Variants in ANK2 observed in about 807,000 individuals in gnomAD.
ANK2 encodes the protein ankyrin-2.
A neutral mutation model predicts 360.5 loss-of-function variants in ANK2; 83 were observed. The ratio of observed to expected loss-of-function variants is 0.23; its 90% CI spans 0.19 to 0.28. ANK2 has a LOEUF of 0.28. Among genes scored for constraint, ANK2 ranks in the 10% least tolerant of loss-of-function variants. The pLI is 1.00. For synonymous variants in ANK2, 1,740 were observed against 1,759.5 expected, an observed-to-expected ratio of 0.99 and a Z score of 0.28; for missense variants, 4,201 against 4,795.7, an observed-to-expected ratio of 0.88 and a Z score of 3.66.
intron 1 of ANK2, among the ~76,000 whole-genome samples, chr4:112,858,606 A>T (rs1386452200): frequency 6.6e-6 from 1 of 152,224 alleles, no homozygotes; most frequent in African/African-American, 2.4e-5. Flanking sequence ...TCGCATTCTT[A>T]GTTCATGCAT....
chr4:113,197,053 C>CA (rs1176600593), intron 3 of ANK2, among the ~76,000 whole-genome samples: 16 of 152,200 alleles, frequency 1.1e-4, no homozygotes, highest in Admixed American at 4.6e-4. Context: ...TAGACAATAG[C>CA]ACCTGTTTTC....
chr4:112,841,810 T>C (rs1025445975), intron 1 of ANK2, among the ~76,000 whole-genome samples: 1 of 152,220 alleles, frequency 6.6e-6, no homozygotes, highest in Non-Finnish European at 1.5e-5. Context: ...GCAAAGTTAC[T>C]TCTAGCTATG....
the ANK2 span, among the ~76,000 whole-genome samples, chr4:112,730,592 G>T: frequency 1.6e-5 from 2 of 125,176 alleles, no homozygotes; most frequent in Non-Finnish European, 3.1e-5. Context: ...AGCCGAGATC[G>T]CACCGTTGCA....
At position 112,913,063 on chromosome 4, in the gene ANK2, C is replaced by G. The variant is rs575736207; in HGVS notation, c.21+8549C>G. ...TGGAACAAAGTGCACTACATAGGCT[C>G]GGGATGCCTATGTAACCGTAAAAAA... On this transcript the variant is annotated intron_variant, in intron 2 of 30. Coordinates refer to the ANK2 transcript ENST00000503271. 2.4e-3 allele frequency among the ~76,000 whole-genome samples: 364 copies of G among 151,994 alleles called. 1 individual carries two copies. Among genetic ancestry groups the G allele is most frequent in the African/African-American group, 8.0e-3 (332 of 41,462 alleles).
chr4:113,030,398 C>G (rs780875687), intron 2 of ANK2, among the ~76,000 whole-genome samples: 5 of 152,070 alleles, frequency 3.3e-5, no homozygotes, highest in Non-Finnish European at 7.4e-5. Context: ...TTTCAAACAA[C>G]AGGACTGGTT....
At chr4:113,295,291 G>A (rs1192249926) in intron 22 of ANK2, among the ~76,000 whole-genome samples, 1 of 152,100 alleles carries the variant, frequency 6.6e-6, no homozygotes, top group Non-Finnish European at 1.5e-5. Context: ...ATGAGACTCA[G>A]GCTTGGTAAG....
At chr4:112,784,122 G>A in the ANK2 span, among the ~76,000 whole-genome samples, 2 of 152,102 alleles carry the variant, frequency 1.3e-5, no homozygotes, top group African/African-American at 4.8e-5. Context: ...CTTGTGATAA[G>A]CAATGCTTCT....
At chr4:112,883,334 C>A (rs978787978) in intron 1 of ANK2, among the ~76,000 whole-genome samples, 1 of 151,998 alleles carries the variant, frequency 6.6e-6, no homozygotes, top group African/African-American at 2.4e-5. Flanking sequence ...CCACCGCACC[C>A]GGCCTGCTTG....
intron 9 of ANK2, among the ~76,000 whole-genome samples, chr4:113,246,519 T>G (rs1481623853): frequency 1.3e-5 from 2 of 152,164 alleles, no homozygotes; most frequent in Non-Finnish European, 1.5e-5. Context: ...AATTATAAAT[T>G]TAGGCTTTAT....
chr4:113,353,315 T>G lies in ANK2; in HGVS notation c.4697T>G (p.Leu1566Arg), dbSNP rs1369001181. 2.5e-6 allele frequency: 4 copies of G among 1,613,698 alleles called. No homozygotes were observed. The highest frequency in any genetic ancestry group is 3.4e-6 in the Non-Finnish European group (4 of 1,179,880). Residue 1566 changes from leucine to arginine, a missense_variant, in exon 38 of 46, where the codon CTG becomes CGG. Coordinates refer to ENST00000357077, the MANE Select transcript of ANK2 (RefSeq NM_001148.6). ...KEDLEKVNEI[L>R]RSGTCTRDES... The stretch of plus-strand genomic sequence containing the variant: ...GACTTAGAGAAAGTGAATGAAATCC[T>G]GAGAAGTGGAACCTGCACAAGAGAT...
intron 23 of ANK2, among the ~76,000 whole-genome samples, chr4:113,310,214 G>T (rs529621974): frequency 6.6e-6 from 1 of 152,176 alleles, no homozygotes; most frequent in Non-Finnish European, 1.5e-5. Flanking sequence ...CTTATTTTGA[G>T]TTGTATTTAT....
rs535261421 is a variant in ANK2 at position 113,065,887 on chromosome 4, G to A, written c.84+16075G>A. On this transcript the variant is annotated intron_variant, in intron 1 of 45. Transcript: ENST00000357077. Reference sequence around the variant, plus strand: ...TGTCGTACCGGTGCTCCCAAACTAGGTCTGTTGTTCAGCTGTGATTTGTGG... The same window carrying A: ...TGTCGTACCGGTGCTCCCAAACTAGATCTGTTGTTCAGCTGTGATTTGTGG... Among the ~76,000 whole-genome samples, 7 of 152,238 alleles carry A rather than the reference G, an allele frequency of 4.6e-5. No homozygotes were observed. The South Asian group carries it at 1.5e-3, about 32-fold the overall frequency.
intron 4 of ANK2, among the ~76,000 whole-genome samples, chr4:113,228,102 C>G (rs892007374): frequency 6.6e-6 from 1 of 152,226 alleles, no homozygotes; most frequent in Non-Finnish European, 1.5e-5. Context: ...GTGAAATGCT[C>G]TAACCAAGAT....
At chr4:112,795,109 A>T in the ANK2 span, among the ~76,000 whole-genome samples, 1 of 152,188 alleles carries the variant, frequency 6.6e-6, no homozygotes, top group African/African-American at 2.4e-5. Context: ...TAAACTTTGC[A>T]ATAATAGAAG....
rs768206554 is a variant in ANK2 at position 113,354,701 on chromosome 4, G to A, written c.6083G>A (p.Arg2028Gln). 3.1e-6 allele frequency: 5 copies of A among 1,613,906 alleles called. No homozygotes were observed. Among genetic ancestry groups the A allele is most frequent in the East Asian group, 4.5e-5 (2 of 44,858 alleles). ...QKQPQEKGKV[R>Q]VEKEKGPILT... ...CAGCCACAAGAGAAAGGTAAAGTTC[G>A]GGTAGAAAAAGAAAAGGGGCCGATA... Residue 2028 changes from arginine (R) to glutamine (Q), a missense_variant, in exon 38 of 46, where the codon CGG (arginine) becomes CAG (glutamine). Transcript: ENST00000357077.
At chr4:112,966,581 C>G (rs6819908) in intron 2 of ANK2, among the ~76,000 whole-genome samples, 28,847 of 151,722 alleles carry the variant, frequency 0.19, 3,099 homozygotes, top group East Asian at 0.38. Context: ...GAAAGTATTC[C>G]TTTATCAGTG....
At chr4:113,149,847 A>G (rs183492690) in intron 1 of ANK2, among the ~76,000 whole-genome samples, 151 of 123,998 alleles carry the variant, frequency 1.2e-3, no homozygotes, top group African/African-American at 4.4e-3. Context: ...ACTGCACTCC[A>G]GCTTGCGTGA....
chr4:113,121,193 T>C (rs2095329853), intron 1 of ANK2, among the ~76,000 whole-genome samples: 1 of 152,206 alleles, frequency 6.6e-6, no homozygotes, highest in Admixed American at 6.6e-5. Flanking sequence ...ATAACAATCC[T>C]ATATATTAGG....
At chr4:113,026,733 G>C (rs542916084) in intron 2 of ANK2, among the ~76,000 whole-genome samples, 1 of 152,310 alleles carries the variant, frequency 6.6e-6, no homozygotes, top group South Asian at 2.1e-4. Flanking sequence ...ATGTCTGGGA[G>C]TGCAGGACGA....
Sources: allele counts gnomAD v4.1 joint callset (sites outside exome capture counted in the v4.1 genomes callset), GRCh38; gene constraint gnomAD v4.1.1; transcripts MANE v1.5; gene names NCBI Gene and HGNC (gene_info 2026-07-23, HGNC 2026-07-21).